The following APBA1 variants were observed in gnomAD, a reference collection of about 807,000 sequenced individuals.
APBA1 encodes the protein amyloid beta precursor protein binding family A member 1, also known as amyloid-beta A4 precursor protein-binding family A member 1.
A neutral mutation model predicts 86.6 loss-of-function variants in APBA1; 55 were observed. The observed-to-expected ratio is 0.64, with a 90% CI of 0.51 to 0.80. The LOEUF (loss-of-function observed/expected upper bound fraction) is 0.80, where lower values mean the gene tolerates loss of function less well. Among genes scored for constraint, APBA1 ranks in the 30% least tolerant of loss-of-function variants. The probability of loss-of-function intolerance (pLI) is 0.00; values close to 1 mark genes in which losing one functional copy is unlikely to be tolerated. For synonymous variants in APBA1, 511 were observed against 493.9 expected (o/e 1.03, Z -0.46); for missense variants, 1,090 against 1,183.0 (o/e 0.92, Z 1.15).
intron 1 of APBA1, among the ~76,000 whole-genome samples, chr9:69,577,476 C>T (rs1821825436): frequency 6.6e-6 from 1 of 152,110 alleles, no homozygotes; most frequent in Admixed American, 6.6e-5. Context: ...GGAACAGTTT[C>T]CCTCAAGACC....
rs143438097 is a variant in APBA1 at position 69,440,860 on chromosome 9, G to A, written c.2301+136C>T. The A allele has an allele frequency of 5.3e-5, 61 of 1,153,326 alleles. 2 individuals are homozygous for A. Among genetic ancestry groups the A allele is most frequent in the South Asian group, 2.1e-4 (14 of 68,046 alleles). The allele number at this position is 1,153,326 out of a possible 1,614,324, so 71.4% of individuals were successfully genotyped here. On this transcript the variant is annotated intron_variant, in intron 11 of 12. Transcript: ENST00000265381. ...TCAGTTGGAAATGCAGAAATTACCC[G>A]TCTTCTGCATCACTCACGCTGGGAG...
At chr9:69,556,804 G>A (rs369611466) in intron 1 of APBA1, among the ~76,000 whole-genome samples, 12 of 152,280 alleles carry the variant, frequency 7.9e-5, no homozygotes, top group Admixed American at 3.3e-4. Context: ...CAGAGGCAGC[G>A]TGGAAAAGGA....
intron 2 of APBA1, among the ~76,000 whole-genome samples, chr9:69,488,570 A>C (rs1426660635): frequency 1.3e-5 from 2 of 152,276 alleles, no homozygotes; most frequent in East Asian, 3.9e-4. Context: ...AGCTTTTTGA[A>C]GGTACACATA....
At chr9:69,634,598 GAT>G (rs1823119075) in intron 1 of APBA1, among the ~76,000 whole-genome samples, 1 of 152,054 alleles carries the variant, frequency 6.6e-6, no homozygotes, top group Admixed American at 6.6e-5. Context: ...CCTAGAGAAA[GAT>G]ATCAATATTC....
At chr9:69,600,656 G>C (rs1822330088) in intron 1 of APBA1, among the ~76,000 whole-genome samples, 2 of 151,816 alleles carry the variant, frequency 1.3e-5, no homozygotes, top group South Asian at 4.2e-4. Flanking sequence ...AAAATTAGCT[G>C]AGTGTGGAGG....
At chr9:69,466,316 G>C (rs870695) in intron 5 of APBA1, among the ~76,000 whole-genome samples, 55,584 of 152,020 alleles carry the variant, frequency 0.37, 10,256 homozygotes, top group South Asian at 0.45. Context: ...CATATTTACG[G>C]TGTTGGTGAT....
rs370539911 is a variant in APBA1 at position 69,441,020 on chromosome 9, G to A, written c.2277C>T (p.Leu759=). The A allele has an allele frequency of 2.4e-5, 38 of 1,613,960 alleles. No individual in the cohort carries two copies. Among genetic ancestry groups the A allele is most frequent in the South Asian group, 1.8e-4 (16 of 91,052 alleles). ...CAATTCCATTCTGGACGCTGAAACC[G>A]AGCTGGTAGCGAAGGTCTGGTCTTC... is the stretch of plus-strand genomic sequence containing the variant. ...LIRRPDLRYQ[L]GFSVQNGIIC... is the part of the protein sequence containing the mutation. Residue 759 remains leucine, a synonymous_variant, in exon 11 of 13, where the codon CTC becomes CTT. Coordinates refer to ENST00000265381, the MANE Select transcript of APBA1 (RefSeq NM_001163.4).
Position 69,469,015 on chromosome 9 carries a change from C to T in APBA1, c.1337-1047G>A, listed in dbSNP as rs1420584018. ...AAGTGGCTGAAACTACAGGCACTAC[C>T]ATGCCCAACTAATTTTTGTAGTTTT... is the stretch of plus-strand genomic sequence containing the variant. On this transcript the variant is annotated intron_variant, in intron 4 of 12. Transcript: ENST00000265381. 2.0e-5 allele frequency among the ~76,000 whole-genome samples: 3 copies of T among 152,140 alleles called. No individual in the cohort carries two copies. In the East Asian group the frequency reaches 5.8e-4, roughly 29 times the overall value.
intron 1 of APBA1, among the ~76,000 whole-genome samples, chr9:69,546,916 T>A (rs994984068): frequency 6.6e-6 from 1 of 152,220 alleles, no homozygotes; most frequent in African/African-American, 2.4e-5. Context: ...TAAAATGAGA[T>A]CACATATGTG....
At chr9:69,588,327 G>A (rs1272464287) in intron 1 of APBA1, among the ~76,000 whole-genome samples, 6 of 151,910 alleles carry the variant, frequency 3.9e-5, no homozygotes, top group East Asian at 3.9e-4. Context: ...CAAATGAAAC[G>A]CAACAGACAA....
chr9:69,588,438 G>C (rs188685851), intron 1 of APBA1, among the ~76,000 whole-genome samples: 1 of 151,952 alleles, frequency 6.6e-6, no homozygotes, highest in East Asian at 1.9e-4. Context: ...CTTGTTTGTT[G>C]GTTGGAAATC....
intron 1 of APBA1, among the ~76,000 whole-genome samples, chr9:69,645,648 G>A (rs1271547151): frequency 1.3e-5 from 2 of 152,198 alleles, no homozygotes; most frequent in South Asian, 2.1e-4. Flanking sequence ...AAGGGAGGGG[G>A]GAGCTCGTGC....
intron 10 of APBA1, among the ~76,000 whole-genome samples, chr9:69,447,600 C>G: frequency 6.6e-6 from 1 of 152,168 alleles, no homozygotes; most frequent in Non-Finnish European, 1.5e-5. Flanking sequence ...AGTACTGCCC[C>G]ATGGTCTGGC....
chr9:69,546,325 A>G (rs1836697061), intron 1 of APBA1, among the ~76,000 whole-genome samples: 1 of 152,218 alleles, frequency 6.6e-6, no homozygotes. Flanking sequence ...TGCTGGGGAA[A>G]TAACTGCCAG....
At chr9:69,457,827 A>G (rs1448374233) in intron 6 of APBA1, among the ~76,000 whole-genome samples, 1 of 152,176 alleles carries the variant, frequency 6.6e-6, no homozygotes, top group Non-Finnish European at 1.5e-5. Flanking sequence ...CCACAAATCA[A>G]GCATAACTAT....
chr9:69,598,839 G>A (rs1822289122), intron 1 of APBA1, among the ~76,000 whole-genome samples: 2 of 152,324 alleles, frequency 1.3e-5, no homozygotes, highest in South Asian at 4.1e-4. Flanking sequence ...AAAGTCCAAG[G>A]ATCAAGCTTT....
chr9:69,667,365 C>T (rs1417453649), intron 1 of APBA1, among the ~76,000 whole-genome samples: 1 of 152,002 alleles, frequency 6.6e-6, no homozygotes, highest in Non-Finnish European at 1.5e-5. Context: ...ACATGAGGTC[C>T]TCATGGTTGG....
intron 1 of APBA1, among the ~76,000 whole-genome samples, chr9:69,554,587 G>A (rs936238301): frequency 2.0e-5 from 3 of 152,176 alleles, no homozygotes; most frequent in African/African-American, 7.2e-5. Context: ...CACACAAGGA[G>A]CTTAAATATT....
chr9:69,431,522 G>T, intron 12 of APBA1, 124 bp from the exon 13 acceptor site: 1 of 773,162 alleles, frequency 1.3e-6, no homozygotes. Flanking sequence ...ACTCCCTACC[G>T]CCCAGCCACC....
Sources: allele counts gnomAD v4.1 joint callset (sites outside exome capture counted in the v4.1 genomes callset), GRCh38; gene constraint gnomAD v4.1.1; transcripts MANE v1.5; gene names NCBI Gene and HGNC (gene_info 2026-07-23, HGNC 2026-07-21).